IFT74: variants seen among roughly 807,000 people sequenced by gnomAD.
The protein encoded by IFT74 is intraflagellar transport 74.
A neutral mutation model predicts 96.7 loss-of-function variants in IFT74; 92 were observed. The ratio of observed to expected loss-of-function variants is 0.95; its 90% confidence interval spans 0.80 to 1.13. IFT74 has a LOEUF of 1.13. IFT74 is among the 50% of genes most tolerant of loss of function. The probability of loss-of-function intolerance (pLI) is 0.00; values close to 1 mark genes in which losing one functional copy is unlikely to be tolerated. For synonymous variants in IFT74, 223 were observed against 213.2 expected (o/e 1.05, Z -0.40); for missense variants, 811 against 698.2 (o/e 1.16, Z -1.82).
chr9:26,961,982 C>A lies in IFT74; in HGVS notation c.15C>A (p.His5Gln), dbSNP rs1826383224. Reference protein sequence around the residue: MASNHKSSAARPVSR... With the variant: MASNQKSSAARPVSR... ...GTGAAGAAACAATGGCCAGCAATCA[C>A]AAATCTTCAGCAGCTCGCCCTGTTT... Residue 5 changes from histidine to glutamine, a missense_variant, in exon 2 of 20, where the codon CAC (histidine) becomes CAA (glutamine). Coordinates refer to ENST00000380062, the MANE Select transcript of IFT74 (RefSeq NM_025103.4). 2 of 1,614,044 alleles carry A rather than the reference C, an allele frequency of 1.2e-6. No homozygotes were observed. Among genetic ancestry groups the A allele is most frequent in the Admixed American group, 1.7e-5 (1 of 60,004 alleles).
At chr9:26,998,280 A>G in intron 8 of IFT74, 1 of 1,204,760 alleles carries the variant, frequency 8.3e-7, no homozygotes, top group Non-Finnish European at 1.1e-6. Context: ...AATCAGAAAA[A>G]AAATTAATAG....
intron 16 of IFT74, among the ~76,000 whole-genome samples, chr9:27,048,706 G>A (rs2131687578): frequency 6.6e-6 from 1 of 152,324 alleles, no homozygotes; most frequent in South Asian, 2.1e-4. Flanking sequence ...CAATGTACAT[G>A]CTGGTTAGGC....
intron 1 of IFT74, among the ~76,000 whole-genome samples, chr9:26,948,864 G>A (rs1825848487): frequency 6.6e-6 from 1 of 151,730 alleles, no homozygotes; most frequent in Non-Finnish European, 1.5e-5. Flanking sequence ...TCTTACTCTA[G>A]ACATTTCGAA....
intron 19 of IFT74, among the ~76,000 whole-genome samples, chr9:27,061,988 C>G (rs1212138500): frequency 6.6e-6 from 1 of 152,148 alleles, no homozygotes; most frequent in Non-Finnish European, 1.5e-5. Context: ...TTCTTTGACC[C>G]ATTCAAGGAT....
rs1820509283 is a variant in IFT74 at position 27,063,374 on chromosome 9, G to A, written c.*638G>A. On this transcript the variant is annotated 3_prime_UTR_variant, in exon 20 of 20. Transcript: ENST00000380062. ...TTAGGTAAAAGACTACATTTATAGT[G>A]GGCTGTTTTGGACTATGGCTACTGC... Among the ~76,000 whole-genome samples, 1 of 152,086 alleles carries A rather than the reference G, an allele frequency of 6.6e-6. No homozygotes were observed. The highest frequency in any genetic ancestry group is 2.1e-4 in the South Asian group (1 of 4,818).
intron 13 of IFT74, chr9:27,036,453 C>G: frequency 6.2e-7 from 1 of 1,613,496 alleles, no homozygotes; most frequent in Non-Finnish European, 8.5e-7. Flanking sequence ...TCTGCAGATC[C>G]TACCAACTAT....
chr9:26,951,888 ACT>A (rs778383286), upstream of IFT74, among the ~76,000 whole-genome samples: 7 of 151,992 alleles, frequency 4.6e-5, no homozygotes, highest in Non-Finnish European at 7.4e-5. Context: ...AAACAGCAAG[ACT>A]CTCTCAAAAA....
intron 13 of IFT74, among the ~76,000 whole-genome samples, chr9:27,041,282 G>A (rs902938468): frequency 1.3e-5 from 2 of 151,942 alleles, no homozygotes; most frequent in Admixed American, 6.6e-5. Flanking sequence ...GTCTTTTCAC[G>A]CATCTGGTTA....
At chr9:27,023,598 G>C (rs1372850200) in intron 12 of IFT74, among the ~76,000 whole-genome samples, 1 of 152,100 alleles carries the variant, frequency 6.6e-6, no homozygotes, top group Non-Finnish European at 1.5e-5. Context: ...GTTCATTAGG[G>C]ATGTTGGTCC....
intron 2 of IFT74, among the ~76,000 whole-genome samples, chr9:26,974,567 A>G (rs924452165): frequency 1.3e-5 from 2 of 152,074 alleles, no homozygotes; most frequent in African/African-American, 4.8e-5. Flanking sequence ...TAGATCTTCC[A>G]TGTTTTCCTG....
chr9:27,010,292 T>G (rs1828993744), intron 9 of IFT74, among the ~76,000 whole-genome samples: 1 of 151,292 alleles, frequency 6.6e-6, no homozygotes, highest in South Asian at 2.1e-4. Flanking sequence ...CCCGGCCTTA[T>G]GCTAGAAACA....
intron 14 of IFT74, among the ~76,000 whole-genome samples, 191 bp downstream of exon 14, chr9:27,044,986 T>G (rs1459907560): frequency 6.6e-6 from 1 of 152,198 alleles, no homozygotes; most frequent in African/African-American, 2.4e-5. Context: ...TAAAAAGATA[T>G]GTGATGAGTG....
intron 8 of IFT74, chr9:26,997,732 T>C: frequency 6.3e-7 from 1 of 1,590,406 alleles, no homozygotes; most frequent in Non-Finnish European, 8.5e-7. Context: ...GCTTACCTAA[T>C]GTCACATTTG....
chr9:26,957,099 C>T (rs1374274370), intron 1 of IFT74, among the ~76,000 whole-genome samples: 3 of 152,208 alleles, frequency 2.0e-5, no homozygotes, highest in Non-Finnish European at 4.4e-5. Flanking sequence ...GCTAATCATT[C>T]TGGATCCAAA....
chr9:26,998,308 T>A, intron 8 of IFT74: 2 of 998,332 alleles, frequency 2.0e-6, no homozygotes, highest in South Asian at 4.2e-5. Context: ...CCAAATTTCA[T>A]ATTTAAGCAC....
chr9:26,967,047 T>C (rs1826652672), intron 2 of IFT74, among the ~76,000 whole-genome samples: 1 of 151,690 alleles, frequency 6.6e-6, no homozygotes, highest in Non-Finnish European at 1.5e-5. Flanking sequence ...TCTTTTCCTT[T>C]TTTTTTTAAT....
In IFT74 at chr9:27,004,153, A is replaced by G. The variant is rs934318033; in HGVS notation, c.588-4867A>G. Among the ~76,000 whole-genome samples the G allele has an allele frequency of 2.6e-5, 4 of 152,334 alleles. No homozygotes were observed. In the East Asian group the frequency reaches 7.7e-4, roughly 29 times the overall value. ...AGGTGAAAAAAGTAATGGAGGCAAG[A>G]CAGGACTGTGAGCTTATGTGGAAAT... On this transcript the variant is annotated intron_variant, in intron 8 of 19. Coordinates refer to ENST00000380062, the MANE Select transcript of IFT74 (RefSeq NM_025103.4).
intron 2 of IFT74, 127 bp from the exon 3 acceptor site, chr9:26,978,001 A>T (rs1305066147): frequency 9.8e-6 from 7 of 716,176 alleles, no homozygotes; most frequent in Non-Finnish European, 1.3e-5. Context: ...ACATTTAAAA[A>T]ATAAGGAAAT....
chr9:27,025,966 A>G (rs374345839), intron 12 of IFT74, among the ~76,000 whole-genome samples: 91 of 152,352 alleles, frequency 6.0e-4, no homozygotes, highest in African/African-American at 2.0e-3. Flanking sequence ...AGCACAATGA[A>G]TAGAACAATA....
Sources: allele counts gnomAD v4.1 joint callset (sites outside exome capture counted in the v4.1 genomes callset), GRCh38; gene constraint gnomAD v4.1.1; transcripts MANE v1.5; gene names NCBI Gene and HGNC (gene_info 2026-07-23, HGNC 2026-07-21).